Variants in REDIC1 observed in about 807,000 individuals in gnomAD.
REDIC1 encodes the protein HEI10 Interacting Protein 1.
chr12:39,867,209 GCA>G, the REDIC1 span, among the ~76,000 whole-genome samples: 1 of 152,170 alleles, frequency 6.6e-6, no homozygotes, highest in East Asian at 1.9e-4. Flanking sequence ...TTATTGCCAT[GCA>G]ACAGGTAAGA....
the REDIC1 span, among the ~76,000 whole-genome samples, chr12:39,740,244 G>T: frequency 3.3e-5 from 5 of 152,154 alleles, no homozygotes; most frequent in Admixed American, 1.3e-4. Context: ...TTAGAGTTGG[G>T]GGGAGTAGCA....
the REDIC1 span, among the ~76,000 whole-genome samples, chr12:39,670,579 G>A: frequency 6.6e-6 from 1 of 152,018 alleles, no homozygotes; most frequent in Admixed American, 6.6e-5. Flanking sequence ...TTAGTTATCT[G>A]GATATCTAAA....
the REDIC1 span, among the ~76,000 whole-genome samples, chr12:39,668,709 G>A: frequency 1.3e-5 from 2 of 151,870 alleles, no homozygotes; most frequent in Admixed American, 6.6e-5. Flanking sequence ...ACATAGATTT[G>A]GTCTTTTCAC....
the REDIC1 span, among the ~76,000 whole-genome samples, chr12:39,669,115 G>A: frequency 6.6e-6 from 1 of 152,164 alleles, no homozygotes; most frequent in Admixed American, 6.5e-5. Context: ...TTCCTTTAGA[G>A]TAGGAGAGAC....
At chr12:39,801,902 G>C in the REDIC1 span, among the ~76,000 whole-genome samples, 1 of 152,160 alleles carries the variant, frequency 6.6e-6, no homozygotes, top group Non-Finnish European at 1.5e-5. Context: ...ACTAATTATT[G>C]AACCAGGCAC....
chr12:39,791,197 T>C, the REDIC1 span, among the ~76,000 whole-genome samples: 1 of 151,436 alleles, frequency 6.6e-6, no homozygotes, highest in Non-Finnish European at 1.5e-5. Flanking sequence ...AAACTCTCAA[T>C]AAATTAGGTA....
the REDIC1 span, among the ~76,000 whole-genome samples, chr12:39,806,386 C>G: frequency 6.6e-6 from 1 of 152,184 alleles, no homozygotes; most frequent in African/African-American, 2.4e-5. Context: ...CCCTTTTTCA[C>G]TCACAGAAGA....
chr12:39,732,983 G>T, the REDIC1 span, among the ~76,000 whole-genome samples: 1 of 151,934 alleles, frequency 6.6e-6, no homozygotes, highest in Non-Finnish European at 1.5e-5. Context: ...TAAATTGGAG[G>T]TGATACTTCA....
At chr12:39,817,806 G>A in the REDIC1 span, among the ~76,000 whole-genome samples, 4 of 152,004 alleles carry the variant, frequency 2.6e-5, no homozygotes, top group Non-Finnish European at 5.9e-5. Context: ...AGTATACCCG[G>A]GGCAATTCTG....
chr12:39,884,308 A>T, the REDIC1 span, among the ~76,000 whole-genome samples: 1 of 152,178 alleles, frequency 6.6e-6, no homozygotes, highest in African/African-American at 2.4e-5. Flanking sequence ...ACAGACGTGA[A>T]ATTATAATCA....
the REDIC1 span, among the ~76,000 whole-genome samples, chr12:39,825,437 T>C: frequency 1.3e-5 from 2 of 152,188 alleles, no homozygotes; most frequent in Non-Finnish European, 2.9e-5. Context: ...CTATAAGAAG[T>C]GGACTTACTG....
chr12:39,830,274 T>C, the REDIC1 span: 2 of 1,595,474 alleles, frequency 1.3e-6, no homozygotes, highest in Non-Finnish European at 1.7e-6. Flanking sequence ...AGACAACTGG[T>C]GCTCACCATA....
At chr12:39,878,168 C>T in the REDIC1 span, among the ~76,000 whole-genome samples, 2 of 152,128 alleles carry the variant, frequency 1.3e-5, no homozygotes, top group African/African-American at 4.8e-5. Flanking sequence ...CATAAATTAC[C>T]AACTCTCAGG....
the REDIC1 span, among the ~76,000 whole-genome samples, chr12:39,688,680 G>A: frequency 1.3e-5 from 2 of 152,216 alleles, no homozygotes; most frequent in East Asian, 3.9e-4. Context: ...ACAATGAGGA[G>A]GGATTTGATA....
At chr12:39,664,955 G>T in the REDIC1 span, among the ~76,000 whole-genome samples, 1 of 152,058 alleles carries the variant, frequency 6.6e-6, no homozygotes, top group Non-Finnish European at 1.5e-5. Flanking sequence ...GGAGTTCATT[G>T]TAGATTCTGG....
the REDIC1 span, among the ~76,000 whole-genome samples, chr12:39,803,056 AT>A: frequency 1.3e-5 from 2 of 152,164 alleles, no homozygotes; most frequent in African/African-American, 4.8e-5. Context: ...ATTTGTATTA[AT>A]TTTCAGAAAG....
the REDIC1 span, among the ~76,000 whole-genome samples, chr12:39,814,341 T>C: frequency 1.3e-5 from 2 of 152,188 alleles, no homozygotes; most frequent in Non-Finnish European, 2.9e-5. Flanking sequence ...CTTTGTACTG[T>C]TTTTAAAAAC....
the REDIC1 span, among the ~76,000 whole-genome samples, chr12:39,627,910 G>A: frequency 6.6e-6 from 1 of 152,166 alleles, no homozygotes; most frequent in African/African-American, 2.4e-5. Context: ...TTGAAAGAAA[G>A]TTCATTGACA....
chr12:39,660,982 G>A, the REDIC1 span, among the ~76,000 whole-genome samples: 1 of 151,976 alleles, frequency 6.6e-6, no homozygotes, highest in Non-Finnish European at 1.5e-5. Context: ...CAAATGACAC[G>A]ATTTCATTCT....
Sources: allele counts gnomAD v4.1 joint callset (sites outside exome capture counted in the v4.1 genomes callset), GRCh38; gene constraint gnomAD v4.1.1; transcripts MANE v1.5; gene names NCBI Gene and HGNC (gene_info 2026-07-23, HGNC 2026-07-21).